CBR4: variants seen among roughly 807,000 people sequenced by gnomAD.
CBR4 encodes the protein carbonyl reductase 4.
A neutral mutation model predicts 21.0 loss-of-function variants in CBR4; 22 were observed. The observed-to-expected ratio is 1.05, with a 90% CI of 0.75 to 1.50. CBR4 has a LOEUF of 1.50. Among genes scored for constraint, CBR4 ranks in the 40% most tolerant of loss-of-function variants. The pLI, the probability that CBR4 is intolerant of heterozygous loss-of-function variation, is 0.00. For synonymous variants in CBR4, 100 were observed against 104.4 expected, an observed-to-expected ratio of 0.96 and a Z score of 0.26; for missense variants, 302 against 286.3, an observed-to-expected ratio of 1.05 and a Z score of -0.40.
rs1431975703 is a variant in CBR4 at position 168,898,582 on chromosome 4, A to C, written n.170-3817T>G. 1.9e-6 allele frequency: 3 copies of C among 1,613,510 alleles called. No homozygotes were observed. The highest frequency in any genetic ancestry group is 2.5e-6 in the Non-Finnish European group (3 of 1,179,516). On this transcript the variant is annotated intron_variant and non_coding_transcript_variant, in intron 2 of 3. Coordinates refer to the CBR4 transcript ENST00000509108. ...CTCCTGTGGATGAATCAGGTGATGA[A>C]GTTCAGTATGGAGATGTGCCTGTGG...
At position 169,000,622 on chromosome 4, in the gene CBR4, T is replaced by C. The variant is rs543196354; in HGVS notation, c.535+1449A>G. 2.3e-3 allele frequency among the ~76,000 whole-genome samples: 354 copies of C among 152,338 alleles called. 1 individual carries two copies. The highest frequency in any genetic ancestry group is 7.5e-3 in the African/African-American group (312 of 41,572). The stretch of plus-strand genomic sequence containing the variant: ...CCAAAATAAACTGCCTTTTCTTATA[T>C]AGGTGATTAATTCTTAAGTACCTAC... On this transcript the variant is annotated intron_variant, in intron 4 of 4. Coordinates refer to ENST00000306193, the MANE Select transcript of CBR4 (RefSeq NM_032783.5).
At chr4:168,966,024 T>C (rs1415554869) in intron 2 of CBR4, among the ~76,000 whole-genome samples, 2 of 152,024 alleles carry the variant, frequency 1.3e-5, no homozygotes, top group Non-Finnish European at 2.9e-5. Flanking sequence ...ATCCAGAATC[T>C]ACAAAGAACT....
chr4:168,987,125 A>G (rs1230610072), downstream of CBR4, among the ~76,000 whole-genome samples: 2 of 152,224 alleles, frequency 1.3e-5, no homozygotes, highest in East Asian at 3.8e-4. Context: ...TTATTAGGCC[A>G]AAGCTTTCTA....
At chr4:168,912,839 A>G (rs926970539) in intron 2 of CBR4, among the ~76,000 whole-genome samples, 1 of 152,160 alleles carries the variant, frequency 6.6e-6, no homozygotes, top group East Asian at 1.9e-4. Context: ...GTAATTTTGT[A>G]TCCATTAACC....
intron 2 of CBR4, among the ~76,000 whole-genome samples, chr4:168,928,880 C>CAGAT (rs1239365231): frequency 5.9e-5 from 9 of 152,150 alleles, no homozygotes; most frequent in African/African-American, 2.2e-4. Flanking sequence ...CAGGCCCATC[C>CAGAT]AGATAATCTC....
chr4:168,916,703 A>G (rs1760185322), intron 2 of CBR4, among the ~76,000 whole-genome samples: 1 of 127,000 alleles, frequency 7.9e-6, no homozygotes, highest in African/African-American at 2.9e-5. Flanking sequence ...TTTTTTTGAG[A>G]CAGAGTCTCA....
chr4:168,978,576 T>C (rs1764444243), intron 2 of CBR4, among the ~76,000 whole-genome samples: 1 of 152,186 alleles, frequency 6.6e-6, no homozygotes, highest in Non-Finnish European at 1.5e-5. Context: ...GTTTCTGCCA[T>C]GAACCTTTGC....
intron 2 of CBR4, among the ~76,000 whole-genome samples, chr4:168,968,818 G>A (rs1403353993): frequency 6.6e-6 from 1 of 152,192 alleles, no homozygotes; most frequent in East Asian, 1.9e-4. Flanking sequence ...ATCTTGCAGA[G>A]AAAGAGAAGG....
chr4:168,973,509 G>A (rs867319030), intron 2 of CBR4, among the ~76,000 whole-genome samples: 10 of 152,070 alleles, frequency 6.6e-5, no homozygotes, highest in East Asian at 3.9e-4. Context: ...TGTATGTTTC[G>A]TAGAGATGGG....
At chr4:169,000,347 TTA>T (rs1244645553) in intron 4 of CBR4, among the ~76,000 whole-genome samples, 2 of 152,004 alleles carry the variant, frequency 1.3e-5, no homozygotes, top group African/African-American at 4.8e-5. Flanking sequence ...ATTCATAGAT[TTA>T]GAATGTCTGA....
intron 2 of CBR4, among the ~76,000 whole-genome samples, chr4:168,923,401 A>G (rs1761969206): frequency 6.6e-6 from 1 of 152,234 alleles, no homozygotes; most frequent in Non-Finnish European, 1.5e-5. Context: ...TAGTGGTGGA[A>G]AAGGAATGCA....
intron 2 of CBR4, among the ~76,000 whole-genome samples, chr4:168,975,704 C>A (rs535763726): frequency 6.6e-6 from 1 of 152,262 alleles, no homozygotes; most frequent in South Asian, 2.1e-4. Flanking sequence ...GAAAAACCAT[C>A]AGGTGGGGGC....
chr4:168,950,090 A>AT (rs1300723917), intron 2 of CBR4, among the ~76,000 whole-genome samples: 1 of 151,696 alleles, frequency 6.6e-6, no homozygotes, highest in East Asian at 1.9e-4. Context: ...TATCTTTTGC[A>AT]TTTTGTTGTT....
chr4:168,903,527 A>G (rs1368078584), intron 2 of CBR4, among the ~76,000 whole-genome samples: 1 of 152,200 alleles, frequency 6.6e-6, no homozygotes, highest in African/African-American at 2.4e-5. Flanking sequence ...TGTAAGTGCA[A>G]TATTTTTAAA....
Position 168,957,336 on chromosome 4 carries a change from A to G in CBR4, n.169+44735T>C. Reference sequence around the variant, plus strand: ...CAAACATCACACTAGATGACATATGACTAGTCACTACAAGACTAAACATTG... The same window carrying G: ...CAAACATCACACTAGATGACATATGGCTAGTCACTACAAGACTAAACATTG... On this transcript the variant is annotated intron_variant and non_coding_transcript_variant, in intron 2 of 3. Transcript: ENST00000509108. 1.3e-5 allele frequency among the ~76,000 whole-genome samples: 2 copies of G among 152,066 alleles called. 1 individual carries two copies. Among genetic ancestry groups the G allele is most frequent in the Non-Finnish European group, 2.9e-5 (2 of 68,016 alleles).
At chr4:168,992,119 T>C (rs956583361) in intron 4 of CBR4, among the ~76,000 whole-genome samples, 24 of 152,228 alleles carry the variant, frequency 1.6e-4, no homozygotes, top group South Asian at 4.1e-4. Flanking sequence ...AAAAGTCTTG[T>C]GAAAAATATT....
Position 168,994,381 on chromosome 4 carries a change from G to A in CBR4, c.536-4053C>T, listed in dbSNP as rs141530561. 1.1e-4 allele frequency among the ~76,000 whole-genome samples: 17 copies of A among 152,314 alleles called. No homozygotes were observed. In the East Asian group the frequency reaches 3.3e-3, roughly 29 times the overall value. On this transcript the variant is annotated intron_variant, in intron 4 of 4. Coordinates refer to ENST00000306193, the MANE Select transcript of CBR4 (RefSeq NM_032783.5). The stretch of plus-strand genomic sequence containing the variant: ...TAAACCCACAAACTTCAGCATGGGT[G>A]TCATGGCCATCACAAACAGGTCACG...
intron 3 of CBR4, among the ~76,000 whole-genome samples, chr4:169,004,423 CT>C (rs1730726492): frequency 6.6e-6 from 1 of 152,160 alleles, no homozygotes; most frequent in Non-Finnish European, 1.5e-5. Flanking sequence ...ATGTGATGCT[CT>C]TTGATAGCAT....
chr4:168,905,158 T>G lies in CBR4; in HGVS notation n.170-10393A>C, dbSNP rs1330665489. On this transcript the variant is annotated intron_variant and non_coding_transcript_variant, in intron 2 of 3. Coordinates refer to the CBR4 transcript ENST00000509108. ...TGTTGGTTTTTTTTTTTTTTTTTTT[T>G]TTTTTTTTTTGAGATGGAATCTCAC... Among the ~76,000 whole-genome samples, 33 of 137,654 alleles carry G rather than the reference T, an allele frequency of 2.4e-4. 2 individuals are homozygous for G. Among genetic ancestry groups the G allele is most frequent in the East Asian group, 6.4e-4 (3 of 4,684 alleles). The allele number at this position is 137,654 out of a possible 152,430, so 90.3% of individuals were successfully genotyped here.
Sources: gnomAD v4.1 joint callset for allele counts (sites outside exome capture counted in the v4.1 genomes callset) on GRCh38, gnomAD v4.1.1 for gene constraint, MANE v1.5 for transcripts, NCBI Gene and HGNC (gene_info 2026-07-23, HGNC 2026-07-21) for gene names.